AGBL4: variants seen among roughly 807,000 people sequenced by gnomAD.
AGBL4 encodes cytosolic carboxypeptidase 6.
Under a neutral mutation model 66.4 loss-of-function variants are expected in AGBL4, and 58 were observed. That is an observed-to-expected ratio of 0.87 (90% CI 0.71 to 1.09). The LOEUF (loss-of-function observed/expected upper bound fraction) is 1.09. Ranked by LOEUF, AGBL4 falls within the 50% of genes least tolerant of loss-of-function variation. The pLI is 0.00. For synonymous variants in AGBL4, 234 were observed against 222.9 expected (o/e 1.05, Z -0.44); for missense variants, 579 against 631.0 (o/e 0.92, Z 0.88).
chr1:49,111,950 T>G (rs781111502), intron 4 of AGBL4, among the ~76,000 whole-genome samples: 6 of 152,214 alleles, frequency 3.9e-5, no homozygotes, highest in African/African-American at 7.2e-5. Context: ...GCATTTGGCA[T>G]AGGCAGAGTA....
intron 3 of AGBL4, among the ~76,000 whole-genome samples, chr1:49,686,558 G>T (rs1455578348): frequency 1.3e-5 from 2 of 152,174 alleles, no homozygotes; most frequent in South Asian, 2.1e-4. Flanking sequence ...GGTAGGATTT[G>T]CCACTTCTAA....
chr1:49,340,326 G>A (rs1459491122), intron 3 of AGBL4, among the ~76,000 whole-genome samples: 2 of 151,828 alleles, frequency 1.3e-5, no homozygotes, highest in Non-Finnish European at 2.9e-5. Context: ...GTCTTTGAGA[G>A]CCTCTAACCA....
At chr1:48,941,194 A>G (rs1173933765) in intron 5 of AGBL4, among the ~76,000 whole-genome samples, 2 of 152,186 alleles carry the variant, frequency 1.3e-5, no homozygotes, top group East Asian at 1.9e-4. Flanking sequence ...CAGCCTGAGC[A>G]TATGACCCAG....
At chr1:49,074,001 C>G (rs2147941626) in intron 4 of AGBL4, among the ~76,000 whole-genome samples, 1 of 152,308 alleles carries the variant, frequency 6.6e-6, no homozygotes, top group East Asian at 1.9e-4. Flanking sequence ...GGGCTCTGCC[C>G]AGTTTGAACT....
intron 4 of AGBL4, among the ~76,000 whole-genome samples, chr1:49,142,046 A>G (rs1183595102): frequency 6.6e-6 from 1 of 152,084 alleles, no homozygotes; most frequent in African/African-American, 2.4e-5. Context: ...CTCCTGTCAG[A>G]TCAGCAGCAG....
chr1:49,400,597 A>T (rs1250303369), intron 3 of AGBL4, among the ~76,000 whole-genome samples: 1 of 151,588 alleles, frequency 6.6e-6, no homozygotes. Context: ...TCTTTGGTTA[A>T]CTACTAGGTG....
In AGBL4 at chr1:49,674,867, A is replaced by G. The variant is rs141073003; in HGVS notation, c.282+22446T>C. On this transcript the variant is annotated intron_variant, in intron 3 of 13. Coordinates refer to ENST00000371839, the MANE Select transcript of AGBL4 (RefSeq NM_032785.4). ...TGTCAAATCACAAAATAGTGCTTGC[A>G]CATGCAGTTAATACCATGATCTTCC... 3.4e-3 allele frequency among the ~76,000 whole-genome samples: 512 copies of G among 152,296 alleles called. 5 individuals are homozygous for G. The highest frequency in any genetic ancestry group is 0.012 in the African/African-American group (495 of 41,588).
At chr1:48,842,041 T>G (rs1342342489) in intron 6 of AGBL4, among the ~76,000 whole-genome samples, 1 of 152,200 alleles carries the variant, frequency 6.6e-6, no homozygotes, top group African/African-American at 2.4e-5. Flanking sequence ...CAAATGAGTT[T>G]GACTCTGGAA....
At chr1:49,926,372 A>T (rs1251597385) in intron 1 of AGBL4, among the ~76,000 whole-genome samples, 1 of 152,184 alleles carries the variant, frequency 6.6e-6, no homozygotes, top group Non-Finnish European at 1.5e-5. Context: ...GAAAACTTAG[A>T]TCACAATACC....
intron 6 of AGBL4, among the ~76,000 whole-genome samples, chr1:48,670,885 T>A (rs898781068): frequency 6.6e-6 from 1 of 152,234 alleles, no homozygotes; most frequent in African/African-American, 2.4e-5. Flanking sequence ...TTACTGAGAT[T>A]GCTCTCGGGA....
chr1:49,739,640 G>C (rs1344646210), intron 2 of AGBL4, among the ~76,000 whole-genome samples: 1 of 152,096 alleles, frequency 6.6e-6, no homozygotes, highest in Non-Finnish European at 1.5e-5. Flanking sequence ...AAATGTTAAG[G>C]GCAGCCAGAG....
intron 3 of AGBL4, among the ~76,000 whole-genome samples, chr1:49,610,531 T>A (rs1056866363): frequency 6.6e-6 from 1 of 152,214 alleles, no homozygotes; most frequent in Non-Finnish European, 1.5e-5. Context: ...TGAAATTTAA[T>A]CCTTGAATGT....
At chr1:48,898,382 GA>G (rs1314934262) in intron 5 of AGBL4, among the ~76,000 whole-genome samples, 67 of 152,262 alleles carry the variant, frequency 4.4e-4, no homozygotes, top group Admixed American at 4.4e-3. Flanking sequence ...CTTTTGCCCA[GA>G]CCAAGGTCCT....
rs576636888 is a variant in AGBL4 at position 49,002,138 on chromosome 1, A to G, written c.594+43446T>C. Among the ~76,000 whole-genome samples the G allele has an allele frequency of 1.7e-3, 262 of 152,374 alleles. 1 individual carries two copies. Among genetic ancestry groups the G allele is most frequent in the African/African-American group, 5.9e-3 (246 of 41,588 alleles). ...GACAGACATGGTAACAATCATGGAAAACACCAGCAAAAATAGATGTATAAG... is the reference window on the plus strand; with the variant it reads ...GACAGACATGGTAACAATCATGGAAGACACCAGCAAAAATAGATGTATAAG... On this transcript the variant is annotated intron_variant, in intron 5 of 13. Transcript: ENST00000371839.
At chr1:49,496,250 A>C (rs1246088811) in intron 3 of AGBL4, among the ~76,000 whole-genome samples, 1 of 151,898 alleles carries the variant, frequency 6.6e-6, no homozygotes, top group Non-Finnish European at 1.5e-5. Context: ...TTTTTCAATT[A>C]TTTATTTTAA....
chr1:49,593,784 A>G (rs966169067), intron 3 of AGBL4, among the ~76,000 whole-genome samples: 2 of 152,202 alleles, frequency 1.3e-5, no homozygotes, highest in Non-Finnish European at 2.9e-5. Context: ...ATATCCTTCA[A>G]AGAGTGCCTG....
intron 5 of AGBL4, among the ~76,000 whole-genome samples, chr1:48,928,741 C>T (rs766909822): frequency 2.0e-5 from 3 of 151,470 alleles, no homozygotes; most frequent in Non-Finnish European, 2.9e-5. Flanking sequence ...ATTATATAGG[C>T]ATAATAATAG....
chr1:49,446,009 G>C (rs1646148003), intron 3 of AGBL4, among the ~76,000 whole-genome samples: 1 of 151,990 alleles, frequency 6.6e-6, no homozygotes, highest in Non-Finnish European at 1.5e-5. Context: ...CTGCCACCAT[G>C]CCTGACTAAT....
chr1:49,551,892 T>C (rs1388911964), intron 3 of AGBL4, among the ~76,000 whole-genome samples: 1 of 151,956 alleles, frequency 6.6e-6, no homozygotes, highest in Non-Finnish European at 1.5e-5. Flanking sequence ...AGTTACCAGG[T>C]GGGGCAGGAA....
Sources: allele counts gnomAD v4.1 joint callset (sites outside exome capture counted in the v4.1 genomes callset), GRCh38; gene constraint gnomAD v4.1.1; transcripts MANE v1.5; gene names NCBI Gene and HGNC (gene_info 2026-07-23, HGNC 2026-07-21).